Variants in GHR observed in about 807,000 individuals in gnomAD.
GHR encodes GH receptor.
GHR carries 35 observed loss-of-function variants against 67.1 expected under a neutral mutation model. The observed-to-expected ratio is 0.52, with a 90% CI of 0.40 to 0.69. The LOEUF is 0.69. GHR is among the 30% of genes least tolerant of loss of function. The pLI is 0.00. For missense variants in GHR, 792 were observed against 764.6 expected, an observed-to-expected ratio of 1.04 and a Z score of -0.42; for synonymous variants, 272 against 269.1, an observed-to-expected ratio of 1.01 and a Z score of -0.10.
Position 42,608,159 on chromosome 5 carries a change from G to T in GHR, c.71-20879G>T, listed in dbSNP as rs190929940. ...AAGTAGAGCCTTATCTATCTGACCAGGTTATTATGCTATTAAGTTATATAA... is the reference window on the plus strand; with the variant it reads ...AAGTAGAGCCTTATCTATCTGACCATGTTATTATGCTATTAAGTTATATAA... On this transcript the variant is annotated intron_variant, in intron 2 of 9. Transcript: ENST00000230882. Among the ~76,000 whole-genome samples the T allele has an allele frequency of 2.4e-3, 359 of 152,158 alleles. 3 individuals carry two copies. Among genetic ancestry groups the T allele is most frequent in the African/African-American group, 8.1e-3 (338 of 41,498 alleles).
chr5:42,713,161 A>G (rs2111829985), intron 7 of GHR, among the ~76,000 whole-genome samples: 1 of 152,284 alleles, frequency 6.6e-6, no homozygotes, highest in South Asian at 2.1e-4. Context: ...GTTTGTTTTC[A>G]TAAAACACAC....
chr5:42,447,434 G>C (rs933650051), intron 1 of GHR, among the ~76,000 whole-genome samples: 1 of 152,084 alleles, frequency 6.6e-6, no homozygotes, highest in Non-Finnish European at 1.5e-5. Context: ...GCTCCATCCG[G>C]GTTGCTGCAA....
intron 1 of GHR, among the ~76,000 whole-genome samples, chr5:42,464,656 GT>G (rs1467962394): frequency 6.6e-6 from 1 of 152,204 alleles, no homozygotes; most frequent in Non-Finnish European, 1.5e-5. Context: ...TGTTATCTTA[GT>G]TTTGTTAAGG....
intron 3 of GHR, among the ~76,000 whole-genome samples, chr5:42,646,023 G>A (rs1754710823): frequency 6.6e-6 from 1 of 152,178 alleles, no homozygotes. Flanking sequence ...ATACAACCAG[G>A]AGGTATGTGC....
intron 1 of GHR, among the ~76,000 whole-genome samples, chr5:42,474,626 AC>A (rs986222772): frequency 3.9e-5 from 6 of 152,080 alleles, no homozygotes; most frequent in Middle Eastern, 3.4e-3. Context: ...AACAACAACA[AC>A]AAAAAAAGGC....
chr5:42,452,799 G>T (rs1195778111), intron 1 of GHR, among the ~76,000 whole-genome samples: 4 of 151,752 alleles, frequency 2.6e-5, no homozygotes, highest in Admixed American at 6.6e-5. Context: ...TTCATATTTT[G>T]TACTAGTTTT....
chr5:42,494,664 A>G (rs1418958034), intron 1 of GHR, among the ~76,000 whole-genome samples: 1 of 152,174 alleles, frequency 6.6e-6, no homozygotes, highest in Non-Finnish European at 1.5e-5. Context: ...TGGGAGGATA[A>G]GAGAGAAAGT....
At chr5:42,556,451 G>A (rs1749314428) in intron 1 of GHR, among the ~76,000 whole-genome samples, 1 of 151,910 alleles carries the variant, frequency 6.6e-6, no homozygotes, top group Non-Finnish European at 1.5e-5. Context: ...TTTGTTTAAG[G>A]AACATTTTCC....
Position 42,575,263 on chromosome 5 carries a change from C to T in GHR, c.70+9319C>T, listed in dbSNP as rs80045863. Among the ~76,000 whole-genome samples, 1,835 of 152,228 alleles carry T rather than the reference C, an allele frequency of 0.012. 79 individuals carry two copies. In the East Asian group the frequency reaches 0.14, roughly 12 times the overall value. On this transcript the variant is annotated intron_variant, in intron 2 of 9. Transcript: ENST00000230882. ...TCTTCTCTGCTGTGGTCAGGAGAAA[C>T]AGTTTAGATTAGGGATTTCAGAGCA...
At chr5:42,622,213 A>T (rs1400034181) in intron 2 of GHR, among the ~76,000 whole-genome samples, 1 of 152,122 alleles carries the variant, frequency 6.6e-6, no homozygotes. Flanking sequence ...TTGATCCCTG[A>T]AGGGTATTTC....
intron 8 of GHR, among the ~76,000 whole-genome samples, chr5:42,716,872 A>G (rs1758750163): frequency 6.6e-6 from 1 of 152,224 alleles, no homozygotes; most frequent in Non-Finnish European, 1.5e-5. Flanking sequence ...TGAGTGGAAT[A>G]GTAACTGATA....
chr5:42,548,542 T>G, intron 1 of GHR: 2 of 955,008 alleles, frequency 2.1e-6, no homozygotes, highest in Non-Finnish European at 2.5e-6. Flanking sequence ...TAGTATTCCC[T>G]TACTGTTACT....
At chr5:42,499,462 C>T (rs762661516) in intron 1 of GHR, among the ~76,000 whole-genome samples, 2 of 152,166 alleles carry the variant, frequency 1.3e-5, no homozygotes, top group Non-Finnish European at 2.9e-5. Flanking sequence ...AATGTGAACA[C>T]TCATGTGTAC....
chr5:42,650,717 T>C (rs1329456629), intron 3 of GHR, among the ~76,000 whole-genome samples: 3 of 151,988 alleles, frequency 2.0e-5, no homozygotes, highest in Non-Finnish European at 4.4e-5. Context: ...AATGCAAAGA[T>C]AACATATAGC....
chr5:42,424,398 G>T lies in GHR; in HGVS notation c.-12+443G>T. On this transcript the variant is annotated intron_variant, in intron 1 of 9. Coordinates refer to ENST00000230882, the MANE Select transcript of GHR (RefSeq NM_000163.5). This position sits in a 1 kb window ranked among gnomAD's most constrained non-coding sequence, Gnocchi z 4.1. The stretch of plus-strand genomic sequence containing the variant: ...TGCCATCATCTGCCTGGCTGCGGCA[G>T]GAACTGCCGAGGCTGCTGCTGTTGC... 3 of 600,086 alleles carry T rather than the reference G, an allele frequency of 5.0e-6. No individual in the cohort carries two copies. Among genetic ancestry groups the T allele is most frequent in the Non-Finnish European group, 8.9e-6 (3 of 336,250 alleles). 37.2% of individuals were successfully genotyped at this position (600,086 alleles called of 1,614,324 possible).
At chr5:42,606,436 T>C (rs1283228624) in intron 2 of GHR, among the ~76,000 whole-genome samples, 4 of 152,186 alleles carry the variant, frequency 2.6e-5, no homozygotes, top group Admixed American at 6.5e-5. Context: ...TTCAGGCTGT[T>C]TCCACTCATG....
intron 1 of GHR, among the ~76,000 whole-genome samples, chr5:42,539,161 A>T (rs1408131308): frequency 6.6e-6 from 1 of 151,518 alleles, no homozygotes; most frequent in Non-Finnish European, 1.5e-5. Context: ...TTAATAACTA[A>T]CCTCCTGAAT....
intron 1 of GHR, among the ~76,000 whole-genome samples, chr5:42,481,919 C>T (rs1745658556): frequency 6.6e-6 from 1 of 152,156 alleles, no homozygotes; most frequent in Admixed American, 6.5e-5. Context: ...TGTTCCATTG[C>T]TGGTGAGGAG....
intron 1 of GHR, among the ~76,000 whole-genome samples, chr5:42,430,920 G>A (rs1743066774): frequency 6.6e-6 from 1 of 152,068 alleles, no homozygotes; most frequent in Non-Finnish European, 1.5e-5. Context: ...TGAAATAATA[G>A]TAAATTAGAT....
Sources: gnomAD v4.1 joint callset for allele counts (sites outside exome capture counted in the v4.1 genomes callset) on GRCh38, gnomAD v4.1.1 for gene constraint, Gnocchi (gnomAD v3.1) non-coding constraint, MANE v1.5 for transcripts, NCBI Gene and HGNC (gene_info 2026-07-23, HGNC 2026-07-21) for gene names.